CD53: variants seen among roughly 807,000 people sequenced by gnomAD.
CD53 encodes CD53 molecule, also known as leukocyte surface antigen CD53.
CD53 carries 20 observed loss-of-function variants against 27.3 expected under a neutral mutation model. The ratio of observed to expected loss-of-function variants is 0.73; its 90% CI spans 0.52 to 1.07. The LOEUF is 1.07. Among genes scored for constraint, CD53 ranks in the 50% least tolerant of loss-of-function variants. CD53 has a pLI of 0.00. For synonymous variants in CD53, 106 were observed against 105.3 expected (o/e 1.01, Z -0.04); for missense variants, 216 against 264.0 (o/e 0.82, Z 1.26).
At chr1:110,879,631 A>G (rs914845984) in intron 1 of CD53, among the ~76,000 whole-genome samples, 2 of 152,098 alleles carry the variant, frequency 1.3e-5, no homozygotes, top group African/African-American at 4.8e-5. Flanking sequence ...GTAATGGTCT[A>G]TGTAGCACCA....
chr1:110,881,716 T>C (rs1656359572), intron 1 of CD53, among the ~76,000 whole-genome samples: 1 of 152,228 alleles, frequency 6.6e-6, no homozygotes. Context: ...CCATTTTACA[T>C]TCCCACCAAC....
At chr1:110,886,863 A>ATTT (rs1187597163) in intron 1 of CD53, among the ~76,000 whole-genome samples, 2 of 72,256 alleles carry the variant, frequency 2.8e-5, no homozygotes, top group African/African-American at 9.6e-5. Flanking sequence ...ATATATATAT[A>ATTT]TATATATTTT....
At chr1:110,891,352 C>A in intron 1 of CD53, 40 bp from the exon 2 acceptor site, 1 of 1,343,520 alleles carries the variant, frequency 7.4e-7, no homozygotes, top group Non-Finnish European at 1.1e-6. Flanking sequence ...GGCTACCTTA[C>A]AGAGTGAGGT....
In CD53 at chr1:110,899,471, A is replaced by C; in HGVS notation, c.*276A>C. On this transcript the variant is annotated 3_prime_UTR_variant, in exon 8 of 8. Transcript: ENST00000271324. ...CTTTTAGACAAGAGAGGCAAAGACA[A>C]ACTGGATTTAATGGCCCAACATCAA... 3.2e-6 allele frequency: 1 copy of C among 316,124 alleles called. No homozygotes were observed. The highest frequency in any genetic ancestry group is 6.0e-6 in the Non-Finnish European group (1 of 167,350). 19.6% of individuals were successfully genotyped at this position (316,124 alleles called of 1,614,324 possible). A position where few individuals can be genotyped will look rare whatever the true frequency, so the allele number is the denominator to read the frequency against.
chr1:110,880,266 G>A (rs1374021211), intron 1 of CD53: 13 of 152,236 alleles, frequency 8.5e-5, no homozygotes, highest in South Asian at 2.1e-4. Flanking sequence ...AAGGGGAAGG[G>A]GAAACGGAGC....
At chr1:110,881,234 T>C (rs1656343911) in intron 1 of CD53, among the ~76,000 whole-genome samples, 1 of 152,102 alleles carries the variant, frequency 6.6e-6, no homozygotes, top group African/African-American at 2.4e-5. Flanking sequence ...CCTTCCCTGC[T>C]CCCTCTCTAC....
intron 1 of CD53, among the ~76,000 whole-genome samples, chr1:110,890,111 T>A (rs186794604): frequency 2.1e-4 from 32 of 152,268 alleles, no homozygotes; most frequent in Admixed American, 6.5e-4. Flanking sequence ...ACCTTGAAAC[T>A]GCAAAGGAGA....
Position 110,899,266 on chromosome 1 carries a change from C to T in CD53, c.*71C>T. On this transcript the variant is annotated 3_prime_UTR_variant, in exon 8 of 8. Coordinates refer to ENST00000271324, the MANE Select transcript of CD53 (RefSeq NM_000560.4). ...TGCAAAACCATTTATAGCATGAAGC[C>T]CTACATGATCACTGCAGGATGATCC... is the stretch of plus-strand genomic sequence containing the variant. The T allele has an allele frequency of 3.7e-6, 4 of 1,075,150 alleles. No individual in the cohort carries two copies. Among genetic ancestry groups the T allele is most frequent in the Non-Finnish European group, 5.7e-6 (4 of 696,252 alleles). 66.6% of individuals were successfully genotyped at this position (1,075,150 alleles called of 1,614,324 possible).
chr1:110,879,886 C>G (rs1267759854), intron 1 of CD53, among the ~76,000 whole-genome samples: 1 of 152,082 alleles, frequency 6.6e-6, no homozygotes, highest in Non-Finnish European at 1.5e-5. Flanking sequence ...GTTCTTGAAG[C>G]CTCTATCCAA....
intron 4 of CD53, 47 bp from the exon 5 acceptor site, chr1:110,894,913 T>G: frequency 2.8e-6 from 4 of 1,435,554 alleles, no homozygotes; most frequent in Non-Finnish European, 3.9e-6. Flanking sequence ...TTCCTTGAAC[T>G]CACCTGCTTT....
At chr1:110,886,590 T>C (rs1656612377) in intron 1 of CD53, among the ~76,000 whole-genome samples, 1 of 152,066 alleles carries the variant, frequency 6.6e-6, no homozygotes, top group South Asian at 2.1e-4. Flanking sequence ...GGCTCACACC[T>C]GTAATCCCAG....
intron 1 of CD53, among the ~76,000 whole-genome samples, chr1:110,877,855 T>C (rs1443256142): frequency 6.6e-6 from 1 of 152,168 alleles, no homozygotes; most frequent in Non-Finnish European, 1.5e-5. Context: ...TTATTACTCT[T>C]CAAAAGGACG....
chr1:110,892,888 A>T (rs1188255915), intron 3 of CD53: 1 of 194,122 alleles, frequency 5.2e-6, no homozygotes, highest in Admixed American at 5.3e-5. Context: ...ATTATTATGT[A>T]CTTTCAGATT....
intron 7 of CD53, 99 bp downstream of exon 7, chr1:110,897,991 T>A: frequency 1.7e-6 from 1 of 587,764 alleles, no homozygotes. Context: ...ACAATAAATG[T>A]TAGCTATTTT....
At chr1:110,886,767 T>C (rs1570903719) in intron 1 of CD53, among the ~76,000 whole-genome samples, 1 of 150,300 alleles carries the variant, frequency 6.7e-6, no homozygotes, top group African/African-American at 2.4e-5. Context: ...ATTGCTTGAA[T>C]CCAGGAGGTG....
intron 1 of CD53, among the ~76,000 whole-genome samples, chr1:110,885,398 C>A (rs553384632): frequency 6.6e-6 from 1 of 152,044 alleles, no homozygotes; most frequent in Non-Finnish European, 1.5e-5. Flanking sequence ...ATTAGCTGGA[C>A]GTGGTGGCAG....
intron 1 of CD53, among the ~76,000 whole-genome samples, chr1:110,876,780 A>G (rs896304052): frequency 3.3e-5 from 5 of 152,214 alleles, no homozygotes; most frequent in African/African-American, 1.2e-4. Flanking sequence ...CTTTAAAAAA[A>G]TGACAAAATT....
At chr1:110,879,555 C>G (rs1054314804) in intron 1 of CD53, among the ~76,000 whole-genome samples, 1 of 152,096 alleles carries the variant, frequency 6.6e-6, no homozygotes, top group East Asian at 1.9e-4. Flanking sequence ...AGGTTTTTCT[C>G]TTACACTGTT....
At chr1:110,879,151 A>G (rs1039295005) in intron 1 of CD53, among the ~76,000 whole-genome samples, 29 of 152,182 alleles carry the variant, frequency 1.9e-4, no homozygotes, top group African/African-American at 6.3e-4. Context: ...GCTAAGGGTT[A>G]CCCTTAGGAA....
Sources: gnomAD v4.1 joint callset for allele counts (sites outside exome capture counted in the v4.1 genomes callset) on GRCh38, gnomAD v4.1.1 for gene constraint, MANE v1.5 for transcripts, NCBI Gene and HGNC (gene_info 2026-07-23, HGNC 2026-07-21) for gene names.